The following CDH9 variants were observed in gnomAD, a reference collection of about 807,000 sequenced individuals.
CDH9 encodes cadherin 9, also known as cadherin-9.
CDH9 carries 28 observed loss-of-function variants against 70.9 expected under a neutral mutation model. The observed-to-expected ratio is 0.40, with a 90% CI of 0.29 to 0.54. The LOEUF is 0.54. Ranked by LOEUF, CDH9 falls within the 20% of genes least tolerant of loss-of-function variation. The probability of loss-of-function intolerance (pLI) is 0.59; values close to 1 mark genes in which losing one functional copy is unlikely to be tolerated. For missense variants in CDH9, 874 were observed against 984.4 expected, an observed-to-expected ratio of 0.89 and a Z score of 1.50; for synonymous variants, 409 against 343.1, an observed-to-expected ratio of 1.19 and a Z score of -2.12.
At chr5:26,950,435 G>T (rs889777606) in intron 2 of CDH9, among the ~76,000 whole-genome samples, 6 of 152,072 alleles carry the variant, frequency 3.9e-5, no homozygotes, top group African/African-American at 1.4e-4. Context: ...AATTTCTCAA[G>T]ATGAAAAAAT....
At chr5:26,933,799 A>G (rs1188017033) in intron 2 of CDH9, among the ~76,000 whole-genome samples, 2 of 151,818 alleles carry the variant, frequency 1.3e-5, no homozygotes, top group South Asian at 4.1e-4. Flanking sequence ...AATAAAATAA[A>G]ATAAAATAAA....
At chr5:26,964,275 T>G (rs1488307671) in intron 2 of CDH9, among the ~76,000 whole-genome samples, 1 of 152,022 alleles carries the variant, frequency 6.6e-6, no homozygotes, top group African/African-American at 2.4e-5. Flanking sequence ...ATTCTATATT[T>G]CACTAAAGCC....
chr5:26,950,608 A>G (rs1741828526), intron 2 of CDH9, among the ~76,000 whole-genome samples: 2 of 152,196 alleles, frequency 1.3e-5, no homozygotes, highest in Non-Finnish European at 2.9e-5. Context: ...GACGATTTTT[A>G]ATAAAAATAA....
chr5:27,010,143 C>T (rs1474292454), intron 1 of CDH9, among the ~76,000 whole-genome samples: 1 of 152,070 alleles, frequency 6.6e-6, no homozygotes, highest in East Asian at 1.9e-4. Flanking sequence ...ACTATAAGGA[C>T]AATATTATAC....
At chr5:26,953,961 CAT>C (rs1491015353) in intron 2 of CDH9, among the ~76,000 whole-genome samples, 2 of 151,516 alleles carry the variant, frequency 1.3e-5, no homozygotes, top group South Asian at 2.1e-4. Context: ...CACACACACA[CAT>C]AGATCAAAAA....
intron 2 of CDH9, among the ~76,000 whole-genome samples, chr5:26,984,440 C>G (rs939564713): frequency 6.6e-6 from 1 of 152,068 alleles, no homozygotes; most frequent in South Asian, 2.1e-4. Context: ...TATTGGGTTT[C>G]TCTTCATAAA....
intron 1 of CDH9, among the ~76,000 whole-genome samples, chr5:26,996,856 T>C (rs1272331042): frequency 1.3e-5 from 2 of 151,890 alleles, no homozygotes; most frequent in African/African-American, 4.8e-5. Context: ...GGCATGTAAT[T>C]TGGTATACTA....
At chr5:26,941,390 G>C (rs4701552) in intron 2 of CDH9, among the ~76,000 whole-genome samples, 139,630 of 152,186 alleles carry the variant, frequency 0.92, 64,124 homozygotes, top group East Asian at 0.99. Flanking sequence ...TGCTTGTTTT[G>C]TATGCCCCTT....
intron 2 of CDH9, among the ~76,000 whole-genome samples, chr5:26,961,016 A>G (rs1188688037): frequency 2.7e-5 from 4 of 149,202 alleles, no homozygotes; most frequent in Admixed American, 6.6e-5. Flanking sequence ...GCTGGAAAGT[A>G]GAGTCCTTCC....
At position 26,885,638 on chromosome 5, in the gene CDH9, G is replaced by A. The variant is rs1438952344; in HGVS notation, c.1858C>T (p.Leu620=). Residue 620 remains leucine (L), a synonymous_variant, in exon 11 of 12, where the codon CTA becomes TTA. Transcript: ENST00000231021. ...CTAAGCAGTATGAGGACACAGAGTA[G>A]AATCGCAACGAGAGCTCCCGTGCTC... ...GLSTGALVAI[L]LCVLILLILV... 1.2e-6 allele frequency: 2 copies of A among 1,613,350 alleles called. No individual in the cohort carries two copies. The highest frequency in any genetic ancestry group is 1.3e-5 in the African/African-American group (1 of 75,024).
At chr5:26,934,781 A>G (rs1741529684) in intron 2 of CDH9, among the ~76,000 whole-genome samples, 1 of 152,198 alleles carries the variant, frequency 6.6e-6, no homozygotes, top group East Asian at 1.9e-4. Context: ...AAGTGAAAGC[A>G]CCAGCCCAGA....
At chr5:26,953,045 G>T (rs1189249326) in intron 2 of CDH9, among the ~76,000 whole-genome samples, 1 of 152,032 alleles carries the variant, frequency 6.6e-6, no homozygotes, top group Middle Eastern at 3.2e-3. Flanking sequence ...GCAGCATAAA[G>T]CACGCTGCCT....
chr5:26,963,744 G>T (rs1479680588), intron 2 of CDH9, among the ~76,000 whole-genome samples: 2 of 151,964 alleles, frequency 1.3e-5, no homozygotes, highest in South Asian at 4.1e-4. Context: ...TAAAAAAAAA[G>T]ATACATCATT....
intron 7 of CDH9, among the ~76,000 whole-genome samples, chr5:26,900,935 T>A (rs1205203898): frequency 6.6e-6 from 1 of 151,988 alleles, no homozygotes; most frequent in East Asian, 1.9e-4. Flanking sequence ...GCAGAAAACA[T>A]AAAAATAATT....
intron 1 of CDH9, among the ~76,000 whole-genome samples, chr5:27,011,522 T>C (rs1483285329): frequency 2.0e-5 from 3 of 152,062 alleles, no homozygotes; most frequent in Non-Finnish European, 4.4e-5. Context: ...TATGGCCCTA[T>C]CAACACCTTG....
chr5:26,940,145 AGAGC>A (rs1339435294), intron 2 of CDH9, among the ~76,000 whole-genome samples: 3 of 146,542 alleles, frequency 2.0e-5, no homozygotes, highest in Non-Finnish European at 4.5e-5. Context: ...CCTGGGTGAC[AGAGC>A]GAGACTCAGT....
chr5:26,990,612 A>C (rs1210572009), intron 1 of CDH9, among the ~76,000 whole-genome samples: 1 of 152,204 alleles, frequency 6.6e-6, no homozygotes, highest in African/African-American at 2.4e-5. Context: ...GCTTAGAAAA[A>C]TGTGCAATGG....
chr5:26,991,823 G>A (rs1391249414), intron 1 of CDH9, among the ~76,000 whole-genome samples: 2 of 152,036 alleles, frequency 1.3e-5, no homozygotes, highest in Non-Finnish European at 2.9e-5. Flanking sequence ...GAGAAAAGTG[G>A]ATCTATTGGA....
At chr5:27,011,882 T>C (rs769408259) in intron 1 of CDH9, among the ~76,000 whole-genome samples, 4 of 152,120 alleles carry the variant, frequency 2.6e-5, no homozygotes, top group South Asian at 2.1e-4. Context: ...CTTATTTTTT[T>C]CCCTAATTTG....
Sources: gnomAD v4.1 joint callset for allele counts (sites outside exome capture counted in the v4.1 genomes callset) on GRCh38, gnomAD v4.1.1 for gene constraint, MANE v1.5 for transcripts, NCBI Gene and HGNC (gene_info 2026-07-23, HGNC 2026-07-21) for gene names.